COL25A1: variants seen among roughly 807,000 people sequenced by gnomAD.
COL25A1 encodes the protein collagen alpha-1(XXV) chain.
A neutral mutation model predicts 128.4 loss-of-function variants in COL25A1; 103 were observed. That is an observed-to-expected ratio of 0.80 (90% CI 0.68 to 0.94). The LOEUF is 0.94. Among genes scored for constraint, COL25A1 ranks in the 40% least tolerant of loss-of-function variants. COL25A1 has a pLI of 0.00. For missense variants in COL25A1, 745 were observed against 840.0 expected (o/e 0.89, Z 1.40); for synonymous variants, 279 against 277.2 (o/e 1.01, Z -0.06).
intron 5 of COL25A1, among the ~76,000 whole-genome samples, chr4:109,026,173 T>C (rs1250274354): frequency 6.7e-6 from 1 of 148,198 alleles, no homozygotes; most frequent in African/African-American, 2.5e-5. Context: ...CTCTAGGAAA[T>C]AATTCACCTG....
intron 31 of COL25A1, among the ~76,000 whole-genome samples, chr4:108,835,237 A>G (rs1439411778): frequency 6.6e-6 from 1 of 152,256 alleles, no homozygotes; most frequent in East Asian, 1.9e-4. Context: ...AAGAATAAGT[A>G]CAATTATTTC....
At chr4:109,252,100 T>C (rs1449620244) in intron 3 of COL25A1, among the ~76,000 whole-genome samples, 2 of 152,252 alleles carry the variant, frequency 1.3e-5, no homozygotes, top group African/African-American at 2.4e-5. Flanking sequence ...CTAGGGCAGA[T>C]AAGACATTCT....
chr4:109,218,357 G>GTTTTTTTTTTTTTTTTTTTTT (rs34056401), intron 3 of COL25A1, among the ~76,000 whole-genome samples: 1,507 of 73,660 alleles, frequency 0.02, 1 homozygote, highest in Non-Finnish European at 0.023. Context: ...GTTTTTTGGG[G>GTTTTTTTTTTTTTTTTTTTTT]TTTTTTTTTT....
intron 8 of COL25A1, among the ~76,000 whole-genome samples, chr4:108,967,960 G>A (rs12644606): frequency 0.3 from 46,075 of 151,938 alleles, 7,530 homozygotes; most frequent in South Asian, 0.45. Context: ...TACTCTATGC[G>A]TGGTGACCGA....
intron 3 of COL25A1, among the ~76,000 whole-genome samples, chr4:109,079,772 A>G (rs1763678748): frequency 6.6e-6 from 1 of 151,842 alleles, no homozygotes; most frequent in African/African-American, 2.4e-5. Flanking sequence ...GTCTTCCTGA[A>G]AAGTCTTATT....
intron 3 of COL25A1, among the ~76,000 whole-genome samples, chr4:109,068,652 G>T (rs1029554497): frequency 6.6e-6 from 1 of 152,112 alleles, no homozygotes; most frequent in Non-Finnish European, 1.5e-5. Flanking sequence ...TATAAGCCTG[G>T]ATTATAATTC....
chr4:109,216,288 AGG>A (rs2126203589), intron 3 of COL25A1, among the ~76,000 whole-genome samples: 1 of 151,506 alleles, frequency 6.6e-6, no homozygotes, highest in Admixed American at 6.6e-5. Context: ...GAAGGAAGGA[AGG>A]AAGGAAGGAC....
intron 8 of COL25A1, among the ~76,000 whole-genome samples, chr4:108,948,354 CAG>C (rs912866537): frequency 2.6e-5 from 4 of 152,072 alleles, no homozygotes; most frequent in African/African-American, 9.7e-5. Context: ...CTGTGGAAAT[CAG>C]AAGTTATAAC....
intron 3 of COL25A1, among the ~76,000 whole-genome samples, chr4:109,261,513 G>A (rs1413244278): frequency 6.6e-6 from 1 of 152,064 alleles, no homozygotes; most frequent in Non-Finnish European, 1.5e-5. Context: ...AGGCAACAAA[G>A]TAAGATTCTG....
intron 3 of COL25A1, among the ~76,000 whole-genome samples, chr4:109,062,069 A>G (rs1035307864): frequency 1.3e-5 from 2 of 152,200 alleles, no homozygotes; most frequent in African/African-American, 4.8e-5. Flanking sequence ...TAAAGAAAAC[A>G]TACACCAAAA....
intron 3 of COL25A1, among the ~76,000 whole-genome samples, chr4:109,061,979 T>G (rs1762016657): frequency 6.6e-6 from 1 of 152,352 alleles, no homozygotes; most frequent in Non-Finnish European, 1.5e-5. Flanking sequence ...GTTTCTTTTC[T>G]ATGTTGCATA....
intron 3 of COL25A1, among the ~76,000 whole-genome samples, chr4:109,067,891 C>T (rs1314292038): frequency 2.0e-5 from 3 of 152,164 alleles, no homozygotes; most frequent in Non-Finnish European, 4.4e-5. Flanking sequence ...TCATGAGGGT[C>T]AGATCTCAGA....
At chr4:109,186,782 G>A (rs1775174757) in intron 3 of COL25A1, among the ~76,000 whole-genome samples, 1 of 152,184 alleles carries the variant, frequency 6.6e-6, no homozygotes, top group Admixed American at 6.5e-5. Flanking sequence ...CCTTCCAGAT[G>A]TAAATAATCT....
At chr4:109,015,153 C>A (rs1560542486) in intron 5 of COL25A1, among the ~76,000 whole-genome samples, 1 of 152,160 alleles carries the variant, frequency 6.6e-6, no homozygotes, top group African/African-American at 2.4e-5. Context: ...AGACTGAGAG[C>A]GTGTGGTGAT....
chr4:108,935,741 A>G, intron 11 of COL25A1, among the ~76,000 whole-genome samples: 1 of 152,344 alleles, frequency 6.6e-6, no homozygotes, highest in East Asian at 1.9e-4. Context: ...TTTGTATTTA[A>G]CTATGTCAAA....
intron 19 of COL25A1, 51 bp downstream of exon 19, chr4:108,884,127 A>T (rs1740468728): frequency 1.9e-6 from 3 of 1,577,562 alleles, no homozygotes; most frequent in Admixed American, 1.7e-5. Flanking sequence ...AATTTGGGTG[A>T]ATCTCATAAT....
At chr4:109,166,621 A>C (rs955626110) in intron 3 of COL25A1, among the ~76,000 whole-genome samples, 2 of 152,132 alleles carry the variant, frequency 1.3e-5, no homozygotes, top group Non-Finnish European at 2.9e-5. Context: ...TGGGATTTGC[A>C]CTCCACTGAT....
intron 32 of COL25A1, among the ~76,000 whole-genome samples, chr4:108,828,339 T>G (rs1732636364): frequency 6.6e-6 from 1 of 152,108 alleles, no homozygotes; most frequent in Non-Finnish European, 1.5e-5. Context: ...TTCACCATGT[T>G]GGCCGGGCTG....
intron 3 of COL25A1, among the ~76,000 whole-genome samples, chr4:109,248,096 A>G (rs1317912622): frequency 6.6e-6 from 1 of 152,118 alleles, no homozygotes; most frequent in African/African-American, 2.4e-5. Flanking sequence ...ACGCATGCCT[A>G]TATAATGTAT....
Sources: gnomAD v4.1 joint callset for allele counts (sites outside exome capture counted in the v4.1 genomes callset) on GRCh38, gnomAD v4.1.1 for gene constraint, MANE v1.5 for transcripts, NCBI Gene and HGNC (gene_info 2026-07-23, HGNC 2026-07-21) for gene names.